Variants in MTMR12 observed in about 807,000 individuals in gnomAD.
The protein encoded by MTMR12 is myotubularin related protein 12.
Under a neutral mutation model 96.7 loss-of-function variants are expected in MTMR12, and 33 were observed. That is an observed-to-expected ratio of 0.34 (90% CI 0.26 to 0.46). The LOEUF (loss-of-function observed/expected upper bound fraction) is 0.46, where lower values mean the gene tolerates loss of function less well. MTMR12 is among the 20% of genes least tolerant of loss of function. The probability of loss-of-function intolerance (pLI) is 1.00; values close to 1 mark genes in which losing one functional copy is unlikely to be tolerated. For synonymous variants in MTMR12, 298 were observed against 327.2 expected, an observed-to-expected ratio of 0.91 and a Z score of 0.96; for missense variants, 721 against 896.1, an observed-to-expected ratio of 0.80 and a Z score of 2.49.
rs2112021896 is a variant in MTMR12 at position 32,248,647 on chromosome 5, A to C, written c.896+125T>G. ...AAATTAACTCAAAATGATCACTGTT[A>C]AGTTGTATTCCCCTAGCATTAAGCT... On this transcript the variant is annotated intron_variant, in intron 9 of 15. Coordinates refer to ENST00000382142, the MANE Select transcript of MTMR12 (RefSeq NM_001040446.3). 3 of 697,224 alleles carry C rather than the reference A, an allele frequency of 4.3e-6. No individual in the cohort carries two copies. In the East Asian group the frequency reaches 7.5e-5, roughly 17 times the overall value. 43.2% of individuals were successfully genotyped at this position (697,224 alleles called of 1,614,324 possible).
intron 13 of MTMR12, among the ~76,000 whole-genome samples, chr5:32,237,517 C>CTT (rs146753549): frequency 8.0e-5 from 12 of 149,198 alleles, no homozygotes; most frequent in Admixed American, 2.0e-4. Flanking sequence ...GTGCTTTCTT[C>CTT]TTTTTTTTTT....
chr5:32,278,578 C>T (rs892501592), intron 1 of MTMR12, among the ~76,000 whole-genome samples: 3 of 152,102 alleles, frequency 2.0e-5, no homozygotes, highest in African/African-American at 7.2e-5. Context: ...AACCAAGTCC[C>T]TCTGAGGCAG....
At chr5:32,240,335 G>A (rs1321584500) in intron 12 of MTMR12, among the ~76,000 whole-genome samples, 3 of 151,118 alleles carry the variant, frequency 2.0e-5, no homozygotes, top group East Asian at 3.9e-4. Flanking sequence ...GGAGACAGAG[G>A]TTGCCGTGAG....
At chr5:32,301,182 A>G (rs1751128566) in intron 1 of MTMR12, among the ~76,000 whole-genome samples, 1 of 152,194 alleles carries the variant, frequency 6.6e-6, no homozygotes, top group South Asian at 2.1e-4. Flanking sequence ...AGGTAGGTAA[A>G]GAGTGAAAAA....
intron 8 of MTMR12, among the ~76,000 whole-genome samples, chr5:32,252,454 G>A (rs950030124): frequency 6.6e-6 from 1 of 152,190 alleles, no homozygotes; most frequent in Non-Finnish European, 1.5e-5. Flanking sequence ...AGCTTCCTAT[G>A]CACCTACTGC....
chr5:32,279,406 CA>C lies in MTMR12; in HGVS notation c.82-2665del, dbSNP rs373273397. ...CTGCATTCCAGCCTGAGAAACAGAGCAAAACCGTGTCTCAAAAAAAAAAGTT... is the reference window on the plus strand; with the variant it reads ...CTGCATTCCAGCCTGAGAAACAGAGCAAACCGTGTCTCAAAAAAAAAAGTT... On this transcript the variant is annotated intron_variant, in intron 1 of 15. Transcript: ENST00000382142. Among the ~76,000 whole-genome samples the C allele has an allele frequency of 2.8e-4, 42 of 152,004 alleles. No homozygotes were observed. The East Asian group carries it at 7.6e-3, about 27-fold the overall frequency.
intron 1 of MTMR12, among the ~76,000 whole-genome samples, chr5:32,287,993 G>A (rs751350989): frequency 6.6e-6 from 1 of 152,088 alleles, no homozygotes; most frequent in African/African-American, 2.4e-5. Flanking sequence ...AGCAGACACC[G>A]AGCCTCAAAT....
chr5:32,277,092 G>A (rs963676283), intron 1 of MTMR12, among the ~76,000 whole-genome samples: 2 of 151,762 alleles, frequency 1.3e-5, no homozygotes, highest in Admixed American at 1.3e-4. Flanking sequence ...TCACCTTGTT[G>A]GTCAGGATAG....
At chr5:32,257,845 T>C (rs1749201428) in intron 7 of MTMR12, among the ~76,000 whole-genome samples, 1 of 152,016 alleles carries the variant, frequency 6.6e-6, no homozygotes, top group Non-Finnish European at 1.5e-5. Context: ...CATTGTAATA[T>C]CACCTGAGTT....
chr5:32,281,899 C>CA (rs201071153), intron 1 of MTMR12, among the ~76,000 whole-genome samples: 6,570 of 121,300 alleles, frequency 0.054, 503 homozygotes, highest in African/African-American at 0.19. Context: ...GACTCCGTCT[C>CA]AAAAAAAAAA....
intron 1 of MTMR12, among the ~76,000 whole-genome samples, chr5:32,300,227 G>A (rs902837093): frequency 8.5e-5 from 13 of 152,112 alleles, no homozygotes; most frequent in Admixed American, 6.6e-4. Context: ...ACAGCACCTA[G>A]CAGTTGTTGA....
intron 11 of MTMR12, among the ~76,000 whole-genome samples, chr5:32,242,669 AC>A (rs376198665): frequency 3.4e-5 from 5 of 149,022 alleles, no homozygotes; most frequent in African/African-American, 9.9e-5. Context: ...GTCCTCTCCT[AC>A]CCCCCAGCCA....
chr5:32,296,494 G>GAA, intron 1 of MTMR12: 10 of 353,412 alleles, frequency 2.8e-5, no homozygotes, highest in East Asian at 1.0e-4. Flanking sequence ...AAAGAAACGA[G>GAA]AAAAAAAAAG....
intron 8 of MTMR12, among the ~76,000 whole-genome samples, chr5:32,252,907 G>T (rs374133042): frequency 1.3e-5 from 2 of 152,164 alleles, no homozygotes; most frequent in Non-Finnish European, 2.9e-5. Context: ...AGAGAAAGAA[G>T]AACAAGGTAA....
Position 32,255,682 on chromosome 5 carries a change from G to A in MTMR12, c.789+11C>T. The A allele has an allele frequency of 6.2e-7, 1 of 1,604,674 alleles. No individual in the cohort carries two copies. Among genetic ancestry groups the A allele is most frequent in the Non-Finnish European group, 8.5e-7 (1 of 1,174,972 alleles). On this transcript the variant is annotated intron_variant, in intron 8 of 15. Coordinates refer to ENST00000382142, the MANE Select transcript of MTMR12 (RefSeq NM_001040446.3). The stretch of plus-strand genomic sequence containing the variant: ...CAACCCACACCTTTCAGGGTTCCCA[G>A]ATGCACTTACTGGTATGCCATGACC...
rs994188813 is a variant in MTMR12 at position 32,239,123 on chromosome 5, T to C, written c.1222A>G (p.Met408Val). 6.2e-7 allele frequency: 1 copy of C among 1,608,774 alleles called. No individual in the cohort carries two copies. Among genetic ancestry groups the C allele is most frequent in the Non-Finnish European group, 8.5e-7 (1 of 1,177,448 alleles). Residue 408 changes from methionine to valine, a missense_variant, in exon 13 of 16, where the codon ATG becomes GTG. Met to Val is a conservative substitution (Grantham distance 21). Coordinates refer to ENST00000382142, the MANE Select transcript of MTMR12 (RefSeq NM_001040446.3). ...CTGGTTCTGCAGTGGGGGTCCATCA[T>C]CAGTTGCACCAGAGAGGAAATGAGA... ...CCLISSLVQL[M>V]MDPHCRTRIG...
At chr5:32,270,109 A>ACC (rs1749774737) in intron 5 of MTMR12, among the ~76,000 whole-genome samples, 2 of 152,158 alleles carry the variant, frequency 1.3e-5, no homozygotes, top group Admixed American at 1.3e-4. Context: ...ATGTATTTAT[A>ACC]CCATCAGAGG....
At position 32,246,170 on chromosome 5, in the gene MTMR12, G is replaced by GTTTTTTTTTTTTTGT. The variant is rs1554056247; in HGVS notation, c.1021+1831_1021+1832insACAAAAAAAAAAAAA. ...GGTTTCGGTGCCTATTGAGTAGACA[G>GTTTTTTTTTTTTTGT]TTTTTTTTTTTTTTGAGATGGAGTC... On this transcript the variant is annotated intron_variant, in intron 10 of 15. Coordinates refer to ENST00000382142, the MANE Select transcript of MTMR12 (RefSeq NM_001040446.3). Among the ~76,000 whole-genome samples, 809 of 82,718 alleles carry GTTTTTTTTTTTTTGT rather than the reference G, an allele frequency of 9.8e-3. 13 individuals are homozygous for GTTTTTTTTTTTTTGT. The highest frequency in any genetic ancestry group is 0.014 in the Admixed American group (115 of 8,260). 54.3% of individuals were successfully genotyped at this position (82,718 alleles called of 152,430 possible).
intron 10 of MTMR12, among the ~76,000 whole-genome samples, chr5:32,245,074 G>C (rs1466894691): frequency 2.0e-5 from 3 of 152,072 alleles, no homozygotes; most frequent in Non-Finnish European, 4.4e-5. Context: ...TGTCACCCAG[G>C]CTGGAGCGCA....
Sources: gnomAD v4.1 joint callset for allele counts (sites outside exome capture counted in the v4.1 genomes callset) on GRCh38, gnomAD v4.1.1 for gene constraint, MANE v1.5 for transcripts, NCBI Gene and HGNC (gene_info 2026-07-23, HGNC 2026-07-21) for gene names.